ROR1: variants seen among roughly 807,000 people sequenced by gnomAD.
ROR1 encodes ROR family WNT receptor 1.
ROR1 carries 19 observed loss-of-function variants against 78.8 expected under a neutral mutation model. That is an observed-to-expected ratio of 0.24 (90% CI 0.17 to 0.35). The LOEUF is 0.35. Ranked by LOEUF, ROR1 falls within the 10% of genes least tolerant of loss-of-function variation. ROR1 has a pLI of 1.00. For synonymous variants in ROR1, 386 were observed against 433.6 expected (o/e 0.89, Z 1.36); for missense variants, 917 against 1,177.8 (o/e 0.78, Z 3.24).
chr1:63,889,244 A>G (rs1040729593), intron 1 of ROR1, among the ~76,000 whole-genome samples: 5 of 152,026 alleles, frequency 3.3e-5, no homozygotes, highest in Non-Finnish European at 5.9e-5. Flanking sequence ...CACTTCTACC[A>G]TATACTATTA....
intron 1 of ROR1, among the ~76,000 whole-genome samples, chr1:63,954,036 A>T (rs1164287657): frequency 6.6e-6 from 1 of 152,192 alleles, no homozygotes; most frequent in African/African-American, 2.4e-5. Flanking sequence ...GGCTAAGCAG[A>T]CACATTGATT....
intron 1 of ROR1, among the ~76,000 whole-genome samples, chr1:63,988,748 T>A (rs552821669): frequency 1.3e-5 from 2 of 152,368 alleles, no homozygotes; most frequent in South Asian, 4.1e-4. Context: ...TATTTGTCCT[T>A]TGTGACTGGC....
chr1:64,012,588 C>G (rs1292728613), intron 2 of ROR1, among the ~76,000 whole-genome samples: 5 of 152,254 alleles, frequency 3.3e-5, no homozygotes, highest in Admixed American at 1.3e-4. Context: ...ACAACAATGG[C>G]AAACTCCTGC....
intron 1 of ROR1, among the ~76,000 whole-genome samples, chr1:63,910,187 TTGAA>T (rs1406484225): frequency 6.6e-6 from 1 of 152,124 alleles, no homozygotes; most frequent in African/African-American, 2.4e-5. Context: ...GCTGCACTCT[TTGAA>T]TGATGAGGTG....
At chr1:63,962,709 T>A (rs1646039867) in intron 1 of ROR1, among the ~76,000 whole-genome samples, 1 of 152,108 alleles carries the variant, frequency 6.6e-6, no homozygotes, top group Non-Finnish European at 1.5e-5. Context: ...CTGAGCTACC[T>A]GTGGGAAAGT....
At chr1:64,051,419 C>T (rs1481469983) in intron 4 of ROR1, among the ~76,000 whole-genome samples, 6 of 149,504 alleles carry the variant, frequency 4.0e-5, no homozygotes, top group African/African-American at 4.9e-5. Flanking sequence ...CACTGCACTC[C>T]AGCCTGGGCA....
intron 1 of ROR1, among the ~76,000 whole-genome samples, chr1:63,912,925 A>G (rs1645582883): frequency 6.6e-6 from 1 of 152,196 alleles, no homozygotes; most frequent in Admixed American, 6.5e-5. Flanking sequence ...GAAGCGCTTC[A>G]GATAAGAAAT....
rs149401197 is a variant in ROR1, at chr1:64,102,867, C to A, written c.483-34502C>A. 1.9e-3 allele frequency among the ~76,000 whole-genome samples: 285 copies of A among 152,278 alleles called. 2 individuals carry two copies. The highest frequency in any genetic ancestry group is 6.3e-3 in the African/African-American group (262 of 41,566). On this transcript the variant is annotated intron_variant, in intron 4 of 8. Coordinates refer to ENST00000371079, the MANE Select transcript of ROR1 (RefSeq NM_005012.4). Reference sequence around the variant, plus strand: ...TGCTTAGCAGCATCCCTGGCCTCCACGCACTGGATGCCAGCAACCCCTTTC... The same window carrying A: ...TGCTTAGCAGCATCCCTGGCCTCCAAGCACTGGATGCCAGCAACCCCTTTC...
intron 4 of ROR1, among the ~76,000 whole-genome samples, chr1:64,119,002 A>G (rs1224832625): frequency 1.3e-5 from 2 of 152,214 alleles, no homozygotes; most frequent in African/African-American, 4.8e-5. Context: ...TCACCTTGAC[A>G]GGTCATCTCT....
chr1:64,031,443 G>T (rs1415635331), intron 2 of ROR1, among the ~76,000 whole-genome samples: 1 of 152,194 alleles, frequency 6.6e-6, no homozygotes, highest in East Asian at 1.9e-4. Context: ...GGCAGCCAAT[G>T]TTCTGATGTA....
intron 1 of ROR1, among the ~76,000 whole-genome samples, chr1:63,876,203 A>T (rs564049206): frequency 1.1e-3 from 165 of 152,268 alleles, no homozygotes; most frequent in African/African-American, 3.6e-3. Context: ...AGATGGAGTG[A>T]AGTGGCTTAC....
intron 1 of ROR1, among the ~76,000 whole-genome samples, chr1:63,826,244 C>T (rs1319121400): frequency 6.6e-6 from 1 of 152,074 alleles, no homozygotes; most frequent in Non-Finnish European, 1.5e-5. Flanking sequence ...CTCCTTCCTC[C>T]CACCCTCCAC....
Position 64,004,290 on chromosome 1 carries a change from C to A in ROR1, c.92-5015C>A, listed in dbSNP as rs569058368. ...TTTTCCACAGTACCTGTAAACACAA[C>A]AATATATAAAATAGATAAAAGTAGA... is the stretch of plus-strand genomic sequence containing the variant. On this transcript the variant is annotated intron_variant, in intron 1 of 8. Transcript: ENST00000371079. Among the ~76,000 whole-genome samples the A allele has an allele frequency of 2.6e-5, 4 of 152,270 alleles. No individual in the cohort carries two copies. In the East Asian group the frequency reaches 7.7e-4, roughly 29 times the overall value.
chr1:63,900,052 G>A (rs1240683681), intron 1 of ROR1, among the ~76,000 whole-genome samples: 1 of 152,030 alleles, frequency 6.6e-6, no homozygotes, highest in Admixed American at 6.6e-5. Context: ...TGCTGAATTA[G>A]CTTTGTAAGA....
intron 4 of ROR1, among the ~76,000 whole-genome samples, chr1:64,118,278 G>T (rs1459646796): frequency 6.6e-6 from 1 of 152,162 alleles, no homozygotes; most frequent in Non-Finnish European, 1.5e-5. Flanking sequence ...CATAATAAAT[G>T]TAAACATTGT....
chr1:64,168,650 A>G (rs1305563417), intron 8 of ROR1, among the ~76,000 whole-genome samples: 1 of 152,252 alleles, frequency 6.6e-6, no homozygotes, highest in Admixed American at 6.5e-5. Flanking sequence ...GGCCCAAGCT[A>G]TGACTACAAG....
intron 1 of ROR1, among the ~76,000 whole-genome samples, chr1:63,976,482 A>G (rs1449794732): frequency 3.3e-5 from 5 of 152,212 alleles, no homozygotes; most frequent in South Asian, 2.1e-4. Context: ...CCAGAGAAAC[A>G]TAATTTGACC....
chr1:64,007,867 G>A (rs1646441667), intron 1 of ROR1, among the ~76,000 whole-genome samples: 1 of 151,536 alleles, frequency 6.6e-6, no homozygotes, highest in African/African-American at 2.4e-5. Flanking sequence ...AAGAAAAGGA[G>A]TTTATGTTTG....
At chr1:64,080,263 T>G (rs555936670) in intron 4 of ROR1, among the ~76,000 whole-genome samples, 134 of 152,288 alleles carry the variant, frequency 8.8e-4, no homozygotes, top group African/African-American at 3.1e-3. Flanking sequence ...TATTTTTGAT[T>G]GTCATGACTG....
Sources: gnomAD v4.1 joint callset for allele counts (sites outside exome capture counted in the v4.1 genomes callset) on GRCh38, gnomAD v4.1.1 for gene constraint, MANE v1.5 for transcripts, NCBI Gene and HGNC (gene_info 2026-07-23, HGNC 2026-07-21) for gene names.